Variants in TEK observed in about 807,000 individuals in gnomAD.
The protein encoded by TEK is TEK receptor tyrosine kinase.
In TEK, 43 loss-of-function variants were observed where a neutral mutation model predicts 131.8. The observed-to-expected ratio is 0.33, with a 90% confidence interval of 0.26 to 0.42. TEK has a LOEUF of 0.42. Among genes scored for constraint, TEK ranks in the 10% least tolerant of loss-of-function variants. The probability of loss-of-function intolerance (pLI) is 1.00; values close to 1 mark genes in which losing one functional copy is unlikely to be tolerated. For synonymous variants in TEK, 580 were observed against 491.6 expected (o/e 1.18, Z -2.38); for missense variants, 1,162 against 1,384.4 (o/e 0.84, Z 2.55).
At chr9:27,164,277 G>A (rs922447419) in intron 2 of TEK, among the ~76,000 whole-genome samples, 2 of 151,334 alleles carry the variant, frequency 1.3e-5, no homozygotes, top group Non-Finnish European at 2.9e-5. Context: ...TTGGAGTCTC[G>A]CTCTGTTGCC....
chr9:27,203,699 G>A (rs1825302857), intron 13 of TEK, among the ~76,000 whole-genome samples: 2 of 152,326 alleles, frequency 1.3e-5, no homozygotes, highest in South Asian at 2.1e-4. Flanking sequence ...GGTCCCATGT[G>A]GGTGGAGCTG....
rs527719715 is a variant in TEK at position 27,113,973 on chromosome 9, AAC to A, written c.52+4335_52+4336del. On this transcript the variant is annotated intron_variant, in intron 1 of 22. Transcript: ENST00000380036. ...TGGCATCTTTCATCTCTACTCTGCA[AAC>A]ACAATTCAACTCAATTTGCCCAGGC... Among the ~76,000 whole-genome samples, 93 of 152,184 alleles carry A rather than the reference AAC, an allele frequency of 6.1e-4. 1 individual carries two copies. Among genetic ancestry groups the A allele is most frequent in the Non-Finnish European group, 1.1e-3 (74 of 68,044 alleles).
chr9:27,195,394 G>A lies in TEK; in HGVS notation c.1625-1921G>A, dbSNP rs555943488. Among the ~76,000 whole-genome samples the A allele has an allele frequency of 1.1e-4, 17 of 152,234 alleles. No homozygotes were observed. In the South Asian group the frequency reaches 2.5e-3, roughly 22 times the overall value. On this transcript the variant is annotated intron_variant, in intron 11 of 22. Transcript: ENST00000380036. ...ATCCCCAGTGAGCTGTTTCAGATAC[G>A]TTTATCCTAGTAGATCCTGCCTCCC...
At chr9:27,205,789 T>C (rs1032474807) in intron 14 of TEK, among the ~76,000 whole-genome samples, 12 of 152,218 alleles carry the variant, frequency 7.9e-5, no homozygotes, top group Admixed American at 7.9e-4. Context: ...AACCAGACTT[T>C]ATCAATTCTG....
At chr9:27,118,351 C>T (rs1564034427) in intron 1 of TEK, among the ~76,000 whole-genome samples, 2 of 152,094 alleles carry the variant, frequency 1.3e-5, no homozygotes, top group African/African-American at 4.8e-5. Flanking sequence ...ATGTAAGTGA[C>T]CAGCCAGGTG....
At chr9:27,179,954 C>T (rs187247620) in intron 6 of TEK, among the ~76,000 whole-genome samples, 61 of 152,192 alleles carry the variant, frequency 4.0e-4, no homozygotes, top group African/African-American at 1.3e-3. Flanking sequence ...CAGAATCTTC[C>T]AGGTCTTTTT....
intron 12 of TEK, among the ~76,000 whole-genome samples, chr9:27,201,152 A>G (rs1217343032): frequency 2.0e-5 from 3 of 152,226 alleles, no homozygotes; most frequent in Non-Finnish European, 2.9e-5. Context: ...AGAACCTGCT[A>G]AAATGTAGAT....
chr9:27,190,788 C>T (rs1824789508), intron 10 of TEK, 98 bp downstream of exon 10: 6 of 1,521,896 alleles, frequency 3.9e-6, no homozygotes, highest in Non-Finnish European at 5.4e-6. Flanking sequence ...CCTCAATCCT[C>T]TACCTCAAGG....
chr9:27,217,717 C>T lies in TEK; in HGVS notation c.3021C>T (p.Ile1007=), dbSNP rs368457184. The change falls in exon 19 of 23, where the codon ATC becomes ATT. Residue 1007 remains isoleucine (I), a synonymous_variant. Coordinates refer to ENST00000380036, the MANE Select transcript of TEK (RefSeq NM_000459.5). The part of the protein sequence containing the change: ...MGRLPVRWMA[I]ESLNYSVYTT... The stretch of plus-strand genomic sequence containing the variant: ...GGCTCCCAGTGCGCTGGATGGCCAT[C>T]GAGTCACTGAATTACAGTGTGTACA... The T allele has an allele frequency of 3.0e-5, 49 of 1,613,726 alleles. No homozygotes were observed. Among genetic ancestry groups the T allele is most frequent in the Non-Finnish European group, 4.1e-5 (48 of 1,179,858 alleles).
At chr9:27,159,207 T>C (rs1307078119) in intron 2 of TEK, among the ~76,000 whole-genome samples, 1 of 152,226 alleles carries the variant, frequency 6.6e-6, no homozygotes, top group Non-Finnish European at 1.5e-5. Context: ...TATAAGGTCA[T>C]AGTGTACAAT....
chr9:27,146,140 G>T (rs139235398), intron 1 of TEK, among the ~76,000 whole-genome samples: 1 of 151,978 alleles, frequency 6.6e-6, no homozygotes, highest in African/African-American at 2.4e-5. Context: ...TGTATGTACC[G>T]TTATTTATTT....
intron 1 of TEK, among the ~76,000 whole-genome samples, chr9:27,140,297 A>G (rs1377267841): frequency 6.6e-6 from 1 of 152,014 alleles, no homozygotes; most frequent in Non-Finnish European, 1.5e-5. Flanking sequence ...GTTTGAAGGC[A>G]TACATACTTT....
chr9:27,165,004 A>C (rs1169653020), intron 2 of TEK, among the ~76,000 whole-genome samples: 1 of 152,210 alleles, frequency 6.6e-6, no homozygotes, highest in African/African-American at 2.4e-5. Flanking sequence ...GTAGAACATG[A>C]ATGTTGGATT....
chr9:27,173,249 C>T lies in TEK; in HGVS notation c.788C>T (p.Thr263Ile). 6.2e-7 allele frequency: 1 copy of T among 1,614,052 alleles called. No individual in the cohort carries two copies. Among genetic ancestry groups the T allele is most frequent in the Non-Finnish European group, 8.5e-7 (1 of 1,179,946 alleles). Residue 263 changes from threonine (T) to isoleucine (I), a missense_variant, in exon 6 of 23, where the codon ACT (threonine) becomes ATT (isoleucine). By Grantham distance (89) the Thr-to-Ile change is moderately conservative. This residue lies in a region of TEK where 436 missense variants were observed against 539.1 expected (regional missense o/e 0.81). Transcript: ENST00000380036. ...KACELHTFGR[T>I]CKERCSGQEG... ...TGTGAACTGCACACGTTTGGCAGAA[C>T]TTGTAAAGAAAGGTGCAGTGGACAA...
intron 12 of TEK, among the ~76,000 whole-genome samples, chr9:27,200,456 T>C (rs1030293318): frequency 3.3e-5 from 5 of 152,134 alleles, no homozygotes; most frequent in African/African-American, 1.2e-4. Context: ...TGTATGAAGT[T>C]TGATGGAGGG....
chr9:27,157,795 C>T, intron 1 of TEK, 36 bp from the exon 2 acceptor site: 2 of 1,610,184 alleles, frequency 1.2e-6, no homozygotes, highest in Non-Finnish European at 1.7e-6. Context: ...ATGTTAATAA[C>T]CTTAGTCATA....
chr9:27,202,386 G>A (rs946135848), intron 12 of TEK, among the ~76,000 whole-genome samples: 1 of 152,138 alleles, frequency 6.6e-6, no homozygotes, highest in African/African-American at 2.4e-5. Context: ...GTGTCACCAT[G>A]GCTAAGTCAC....
At chr9:27,187,254 G>A (rs962123320) in intron 9 of TEK, among the ~76,000 whole-genome samples, 13 of 152,188 alleles carry the variant, frequency 8.5e-5, no homozygotes, top group Non-Finnish European at 1.5e-4. Flanking sequence ...CACATTGACT[G>A]GCAGCCATAA....
At position 27,109,505 on chromosome 9, in the gene TEK, G is replaced by C; in HGVS notation, c.-86G>C. On this transcript the variant is annotated 5_prime_UTR_variant, in exon 1 of 23. Transcript: ENST00000380036. Reference sequence around the variant, plus strand: ...AAGACGTAGTAGGACGATGCTAATGGAAAGTCACAAACCGCTGGGTTTTTG... The same window carrying C: ...AAGACGTAGTAGGACGATGCTAATGCAAAGTCACAAACCGCTGGGTTTTTG... 7.1e-7 allele frequency: 1 copy of C among 1,409,450 alleles called. No individual in the cohort carries two copies. The highest frequency in any genetic ancestry group is 1.2e-5 in the South Asian group (1 of 86,740). The allele number at this position is 1,409,450 out of a possible 1,614,324, so 87.3% of individuals were successfully genotyped here. A position where few individuals can be genotyped will look rare whatever the true frequency, so the allele number is the denominator to read the frequency against.
Sources: allele counts gnomAD v4.1 joint callset (sites outside exome capture counted in the v4.1 genomes callset), GRCh38; gene constraint gnomAD v4.1.1; regional missense constraint gnomAD v4.1.1; transcripts MANE v1.5; gene names NCBI Gene and HGNC (gene_info 2026-07-23, HGNC 2026-07-21).